The following LCMT1 variants were observed in gnomAD, a reference collection of about 807,000 sequenced individuals.
LCMT1 encodes leucine carboxyl methyltransferase 1.
A neutral mutation model predicts 47.7 loss-of-function variants in LCMT1; 32 were observed. The ratio of observed to expected loss-of-function variants is 0.67; its 90% CI spans 0.51 to 0.90. LCMT1 has a LOEUF of 0.90. Among genes scored for constraint, LCMT1 ranks in the 40% least tolerant of loss-of-function variants. The pLI is 0.00. For missense variants in LCMT1, 375 were observed against 415.2 expected (o/e 0.90, Z 0.84); for synonymous variants, 152 against 149.7 (o/e 1.02, Z -0.11).
rs1173648666 is a variant in LCMT1, at chr16:25,177,911, G to A, written c.983-90G>A. The A allele has an allele frequency of 6.4e-6, 7 of 1,089,490 alleles. No homozygotes were observed. In the East Asian group the frequency reaches 7.1e-5, roughly 11 times the overall value. 67.5% of individuals were successfully genotyped at this position (1,089,490 alleles called of 1,614,324 possible). On this transcript the variant is annotated intron_variant, in intron 10 of 10. Transcript: ENST00000399069. Reference sequence around the variant, plus strand: ...TACAGTGGTCAGCAGTGTGGCTGGTGCCCCTGAGCCGGTCACTGGGGGTCC... The same window carrying A: ...TACAGTGGTCAGCAGTGTGGCTGGTACCCCTGAGCCGGTCACTGGGGGTCC...
At chr16:25,159,140 TTTG>T (rs2141694537) in intron 5 of LCMT1, among the ~76,000 whole-genome samples, 1 of 152,374 alleles carries the variant, frequency 6.6e-6, no homozygotes, top group South Asian at 2.1e-4. Context: ...TGGTGTATTA[TTTG>T]TTGTTGTTTG....
intron 7 of LCMT1, among the ~76,000 whole-genome samples, chr16:25,168,722 G>T (rs528981927): frequency 7.2e-5 from 11 of 152,204 alleles, no homozygotes; most frequent in African/African-American, 2.4e-4. Flanking sequence ...TGTCTTCTCT[G>T]TTTTCATGGC....
In LCMT1 at chr16:25,162,860, A is replaced by G. The variant is rs191617801; in HGVS notation, c.569+1656A>G. ...TTTTTCTTTAAAATGTGATTATGCT[A>G]TGCGTATAATTTTGGAACTTTTTGT... On this transcript the variant is annotated intron_variant, in intron 6 of 10. Coordinates refer to ENST00000399069, the MANE Select transcript of LCMT1 (RefSeq NM_016309.3). Among the ~76,000 whole-genome samples the G allele has an allele frequency of 3.1e-4, 39 of 125,052 alleles. 1 individual carries two copies. Among genetic ancestry groups the G allele is most frequent in the Admixed American group, 1.9e-3 (21 of 11,226 alleles). The allele number at this position is 125,052 out of a possible 152,430, so 82.0% of individuals were successfully genotyped here.
chr16:25,134,017 T>G (rs191622824), intron 3 of LCMT1, among the ~76,000 whole-genome samples: 1 of 143,306 alleles, frequency 7.0e-6, no homozygotes, highest in African/African-American at 2.6e-5. Flanking sequence ...GGGCGACGAG[T>G]GAGACTTCGT....
intron 4 of LCMT1, chr16:25,146,226 C>T (rs1960846561): frequency 6.6e-6 from 1 of 152,296 alleles, no homozygotes; most frequent in Non-Finnish European, 1.5e-5. Context: ...GCTCTGCTGT[C>T]CACGAGGAAC....
chr16:25,125,417 A>G (rs1960135980), intron 1 of LCMT1, among the ~76,000 whole-genome samples: 1 of 152,202 alleles, frequency 6.6e-6, no homozygotes, highest in Admixed American at 6.5e-5. Context: ...TTGTGTACGC[A>G]TGTGTTTCAG....
At chr16:25,137,208 G>T (rs1482018087) in intron 3 of LCMT1, among the ~76,000 whole-genome samples, 1 of 151,942 alleles carries the variant, frequency 6.6e-6, no homozygotes, top group East Asian at 1.9e-4. Flanking sequence ...CTAATAGTTT[G>T]TATTTTTAGT....
At chr16:25,170,920 C>CA (rs930289657) in intron 9 of LCMT1, 115 bp downstream of exon 9, 5 of 732,144 alleles carry the variant, frequency 6.8e-6, no homozygotes, top group Middle Eastern at 2.5e-4. Context: ...CATTAAAAAA[C>CA]AAAAAACAAA....
intron 1 of LCMT1, among the ~76,000 whole-genome samples, chr16:25,114,418 G>A (rs940819575): frequency 1.3e-5 from 2 of 152,064 alleles, no homozygotes; most frequent in Admixed American, 6.6e-5. Flanking sequence ...CTGGACTTGT[G>A]GTATCAGAAG....
chr16:25,173,434 TCTTA>T (rs905973393), intron 9 of LCMT1, among the ~76,000 whole-genome samples: 2 of 152,178 alleles, frequency 1.3e-5, no homozygotes, highest in African/African-American at 4.8e-5. Flanking sequence ...GTGTAGGCAT[TCTTA>T]CTTCAGATTT....
intron 10 of LCMT1, among the ~76,000 whole-genome samples, chr16:25,176,537 TGTTTTTTTTTGGC>T (rs1961945527): frequency 6.7e-6 from 1 of 148,348 alleles, no homozygotes; most frequent in African/African-American, 2.5e-5. Context: ...TTTTGGTTTT[TGTTTTTTTTTGGC>T]TTTTTTTTTT....
chr16:25,137,924 T>C (rs1312488027), intron 3 of LCMT1, among the ~76,000 whole-genome samples: 1 of 151,058 alleles, frequency 6.6e-6, no homozygotes, highest in Non-Finnish European at 1.5e-5. Flanking sequence ...CCACAGGAGG[T>C]CTGCTATGCC....
At chr16:25,157,527 T>G (rs750808762) in intron 5 of LCMT1, among the ~76,000 whole-genome samples, 2 of 151,592 alleles carry the variant, frequency 1.3e-5, no homozygotes, top group Non-Finnish European at 2.9e-5. Flanking sequence ...GGTGATACAA[T>G]GCAACGCTGT....
At chr16:25,160,895 T>C (rs143223443) in intron 5 of LCMT1, 2 of 642,682 alleles carry the variant, frequency 3.1e-6, no homozygotes, top group African/African-American at 1.8e-5. Flanking sequence ...CTTAAGCACA[T>C]AGGACAAAAG....
chr16:25,141,198 A>G (rs1567316438), intron 4 of LCMT1: 1 of 152,254 alleles, frequency 6.6e-6, no homozygotes, highest in Non-Finnish European at 1.5e-5. Flanking sequence ...CAATACGCCA[A>G]AAGTAATAGC....
chr16:25,124,613 C>T (rs941914384), intron 1 of LCMT1, among the ~76,000 whole-genome samples: 1 of 152,208 alleles, frequency 6.6e-6, no homozygotes, highest in Non-Finnish European at 1.5e-5. Context: ...AGGCTTGATC[C>T]TTATAGGCCA....
At chr16:25,160,951 T>C in intron 5 of LCMT1, 151 bp from the exon 6 acceptor site, 1 of 614,474 alleles carries the variant, frequency 1.6e-6, no homozygotes, top group Non-Finnish European at 2.9e-6. Flanking sequence ...CTTTGGAAGA[T>C]AGGATTTTGG....
In LCMT1 at chr16:25,164,681, A is replaced by G. The variant is rs756750144; in HGVS notation, c.653A>G (p.Asn218Ser). 2.5e-6 allele frequency: 4 copies of G among 1,613,928 alleles called. No individual in the cohort carries two copies. The highest frequency in any genetic ancestry group is 3.3e-5 in the Admixed American group (2 of 60,000). ...GCAAACCTCCTGAAGTGGGCAGCCAACAGTTTTGAGAGAGCCATGTTCATA... is the reference window on the plus strand; with the variant it reads ...GCAAACCTCCTGAAGTGGGCAGCCAGCAGTTTTGAGAGAGCCATGTTCATA... The part of the protein sequence containing the change: ...QSANLLKWAA[N>S]SFERAMFINY... Residue 218 changes from asparagine to serine, a missense_variant, in exon 7 of 11, where the codon AAC becomes AGC. By Grantham distance (46) the Asn-to-Ser change is conservative. Coordinates refer to ENST00000399069, the MANE Select transcript of LCMT1 (RefSeq NM_016309.3).
At chr16:25,140,348 T>G in intron 4 of LCMT1, 101 bp downstream of exon 4, 1 of 914,800 alleles carries the variant, frequency 1.1e-6, no homozygotes, top group South Asian at 1.5e-5. Context: ...TTTAGGGTGT[T>G]GCCTTCCGTT....
Sources: gnomAD v4.1 joint callset for allele counts (sites outside exome capture counted in the v4.1 genomes callset) on GRCh38, gnomAD v4.1.1 for gene constraint, MANE v1.5 for transcripts, NCBI Gene and HGNC (gene_info 2026-07-23, HGNC 2026-07-21) for gene names.